FBN3: variants seen among roughly 807,000 people sequenced by gnomAD.
FBN3 encodes the protein fibrillin 3.
In FBN3, 234 loss-of-function variants were observed where a neutral mutation model predicts 330.1. That is an observed-to-expected ratio of 0.71 (90% CI 0.64 to 0.79). The LOEUF (loss-of-function observed/expected upper bound fraction) is 0.79. Among genes scored for constraint, FBN3 ranks in the 30% least tolerant of loss-of-function variants. FBN3 has a pLI of 0.00. For synonymous variants in FBN3, 1,458 were observed against 1,517.3 expected (o/e 0.96, Z 0.91); for missense variants, 3,606 against 3,886.9 (o/e 0.93, Z 1.92).
intron 46 of FBN3, among the ~76,000 whole-genome samples, chr19:8,095,165 C>A (rs1178034923): frequency 6.6e-6 from 1 of 152,054 alleles, no homozygotes; most frequent in Admixed American, 6.6e-5. Flanking sequence ...GAGACGAGGA[C>A]TCACTATGTT....
At chr19:8,090,698 G>A (rs1000596494) in intron 48 of FBN3, among the ~76,000 whole-genome samples, 1 of 151,764 alleles carries the variant, frequency 6.6e-6, no homozygotes, top group Non-Finnish European at 1.5e-5. Flanking sequence ...TGGCTAGGCT[G>A]GTCTCAAACT....
chr19:8,075,359 G>A lies in FBN3; in HGVS notation c.7506C>T (p.Cys2502=), dbSNP rs748278526. 3.1e-6 allele frequency: 5 copies of A among 1,614,198 alleles called. 1 individual carries two copies. The South Asian group carries it at 4.4e-5, about 14-fold the overall frequency. Residue 2502 remains cysteine, a synonymous_variant, in exon 60 of 64, where the codon TGC becomes TGT. Transcript: ENST00000600128. ...QPGPCGAHGH[C]HNTPGSFRCE... ...AGCGGAAGCTGCCCGGGGTGTTGTG[G>A]CAGTGCCCGTGGGCACCACATGGGC...
At position 8,081,454 on chromosome 19, in the gene FBN3, T is replaced by C; in HGVS notation, c.7240A>G (p.Lys2414Glu). The C allele has an allele frequency of 6.2e-7, 1 of 1,611,034 alleles. No homozygotes were observed. The highest frequency in any genetic ancestry group is 1.7e-5 in the Admixed American group (1 of 59,438). ...LDMDECSQVP[K>E]PCTFLCKNTK... ...TTTTTGCAGAGGAAGGTACATGGCTTGGGGACCTGGCTGCACTCATCCATA... is the reference window on the plus strand; with the variant it reads ...TTTTTGCAGAGGAAGGTACATGGCTCGGGGACCTGGCTGCACTCATCCATA... The change falls in exon 58 of 64, where the codon AAG (lysine) becomes GAG (glutamate). Residue 2414 changes from lysine (K) to glutamate (E), a missense_variant. Physicochemically the swap from Lys to Glu is moderately conservative, Grantham distance 56. Transcript: ENST00000600128.
chr19:8,131,587 C>G lies in FBN3; in HGVS notation c.1957G>C (p.Glu653Gln), dbSNP rs1323456583. ...CCANPDHGFG[E>Q]PCQLCPAKDS... is the part of the protein sequence containing the mutation. ...TTGGCAGGACAAAGCTGGCAGGGCTCCCCAAAACCGTGGTCCGGATTGGCA... is the reference window on the plus strand; with the variant it reads ...TTGGCAGGACAAAGCTGGCAGGGCTGCCCAAAACCGTGGTCCGGATTGGCA... The change falls in exon 15 of 64, where the codon GAG becomes CAG. Residue 653 changes from glutamate (E) to glutamine (Q), a missense_variant. Glu to Gln is a conservative substitution (Grantham distance 29). Coordinates refer to ENST00000600128, the MANE Select transcript of FBN3 (RefSeq NM_032447.5). The surrounding 1 kb of genome is among the most constrained non-coding windows in gnomAD (Gnocchi z 4.5). 5 of 1,612,680 alleles carry G rather than the reference C, an allele frequency of 3.1e-6. No homozygotes were observed. The African/African-American group carries it at 6.7e-5, about 22-fold the overall frequency.
chr19:8,111,566 G>T, intron 32 of FBN3, 82 bp downstream of exon 32: 1 of 1,418,058 alleles, frequency 7.1e-7, no homozygotes, highest in South Asian at 1.3e-5. Context: ...TCAGGAGGTC[G>T]AGTGACCATG....
Position 8,081,128 on chromosome 19 carries a change from C to A in FBN3, c.7337-9G>T. 1.2e-6 allele frequency: 2 copies of A among 1,610,538 alleles called. No homozygotes were observed. The highest frequency in any genetic ancestry group is 1.7e-6 in the Non-Finnish European group (2 of 1,177,284). On this transcript the variant is annotated splice_polypyrimidine_tract_variant and intron_variant, in intron 58 of 63. Transcript: ENST00000600128. Reference sequence around the variant, plus strand: ...GGTGCATTCGTCCAGGTCTGCAGCACGGATGGTCCAGCAGGCTCAGGGCAG... The same window carrying A: ...GGTGCATTCGTCCAGGTCTGCAGCAAGGATGGTCCAGCAGGCTCAGGGCAG...
intron 48 of FBN3, among the ~76,000 whole-genome samples, chr19:8,091,208 G>GT (rs2082087573): frequency 2.6e-5 from 4 of 152,200 alleles, no homozygotes; most frequent in Admixed American, 2.6e-4. Context: ...ACAGCCTACA[G>GT]TCATGTGACC....
chr19:8,111,256 A>T (rs1440834997), intron 32 of FBN3, 73 bp from the exon 33 acceptor site: 1 of 1,501,832 alleles, frequency 6.7e-7, no homozygotes, highest in Admixed American at 2.1e-5. Context: ...AGGAGGCCCC[A>T]GTCACTGGAA....
rs1167346702 is a variant in FBN3, at chr19:8,136,257, G to C, written c.1398C>G (p.Ile466Met). ...SPCHHGDCVN[I>M]PGTYHCRCYP... ...AGCACCGGCAGTGGTAGGTGCCGGGGATGTTGACGCAGTCACCGTGGTGGC... is the reference window on the plus strand; with the variant it reads ...AGCACCGGCAGTGGTAGGTGCCGGGCATGTTGACGCAGTCACCGTGGTGGC... Residue 466 changes from isoleucine (I) to methionine (M), a missense_variant, in exon 12 of 64, where the codon ATC becomes ATG. By Grantham distance (10) the Ile-to-Met change is conservative (BLOSUM62 1). Coordinates refer to ENST00000600128, the MANE Select transcript of FBN3 (RefSeq NM_032447.5). 1 of 1,608,168 alleles carries C rather than the reference G, an allele frequency of 6.2e-7. No individual in the cohort carries two copies.
At chr19:8,135,936 G>GGGGGGGGGGCGCCCCCCCCCCCCCC in intron 13 of FBN3, 25 bp downstream of exon 13, 2 of 668,776 alleles carry the variant, frequency 3.0e-6, no homozygotes, top group East Asian at 3.9e-5. Context: ...GGAAGCCCCT[G>GGGGGGGGGGCGCCCCCCCCCCCCCC]CCCACCCGCC....
intron 63 of FBN3, 140 bp downstream of exon 63, chr19:8,071,908 C>T: frequency 1.2e-6 from 1 of 857,616 alleles, no homozygotes; most frequent in Non-Finnish European, 1.8e-6. Flanking sequence ...AAGCCGGCAC[C>T]ATGACATGGG....
In FBN3 at chr19:8,080,988, G is replaced by A. The variant is rs765016563; in HGVS notation, c.7453+15C>T. ...GTCATGGGTCACCTCCCGGTGAGGG[G>A]CAAGGGTCACTCACCGAAGCAGGCC... is the stretch of plus-strand genomic sequence containing the variant. On this transcript the variant is annotated intron_variant, in intron 59 of 63. Coordinates refer to ENST00000600128, the MANE Select transcript of FBN3 (RefSeq NM_032447.5). 7.0e-6 allele frequency: 11 copies of A among 1,566,036 alleles called. No individual in the cohort carries two copies. In the East Asian group the frequency reaches 2.5e-4, roughly 35 times the overall value.
chr19:8,096,592 G>A lies in FBN3; in HGVS notation c.5414-23C>T, dbSNP rs7254164. The A allele has an allele frequency of 1.0e-3, 1,593 of 1,596,136 alleles. 24 individuals are homozygous for A. In the African/African-American group the frequency reaches 0.019, roughly 19 times the overall value. On this transcript the variant is annotated intron_variant, in intron 43 of 63. Transcript: ENST00000600128. The surrounding 1 kb of genome is among the most constrained non-coding windows in gnomAD (Gnocchi z 4.6). ...GTCCTGGGGGTGCAGAGAGCATGGTGTTCCCAGGGCTCCTACCACAGTGTT... is the reference window on the plus strand; with the variant it reads ...GTCCTGGGGGTGCAGAGAGCATGGTATTCCCAGGGCTCCTACCACAGTGTT...
chr19:8,148,549 A>C (rs2083603782), intron 1 of FBN3, among the ~76,000 whole-genome samples: 1 of 152,214 alleles, frequency 6.6e-6, no homozygotes, highest in African/African-American at 2.4e-5. Context: ...TTCCTGGGCC[A>C]TGAAGGACGG....
chr19:8,097,981 G>C lies in FBN3; in HGVS notation c.5162-567C>G, dbSNP rs868451260. ...CGATTTGTGGTTGCCAGGGGCAGAA[G>C]GGAGGGGCTAAAGGGAGAGACTGCT... On this transcript the variant is annotated intron_variant, in intron 41 of 63. Transcript: ENST00000600128. 1.5e-4 allele frequency among the ~76,000 whole-genome samples: 23 copies of C among 152,354 alleles called. 1 individual carries two copies. In the Middle Eastern group the frequency reaches 0.014, roughly 90 times the overall value.
At chr19:8,118,840 C>T in intron 26 of FBN3, 57 bp downstream of exon 26, 9 of 1,572,156 alleles carry the variant, frequency 5.7e-6, no homozygotes, top group Non-Finnish European at 7.8e-6. Context: ...CAGACATCCA[C>T]TCACTTTCAC....
chr19:8,142,276 C>T (rs2083435598), intron 6 of FBN3, 139 bp from the exon 7 acceptor site: 1 of 677,766 alleles, frequency 1.5e-6, no homozygotes, highest in Admixed American at 2.9e-5. Context: ...AATAGAATAT[C>T]TTTCCTCCCC....
Position 8,117,241 on chromosome 19 carries a change from T to C in FBN3, c.3514A>G (p.Asn1172Asp). ...QNGGCDVHCI[N>D]TEGSYRCSCG... is the part of the protein sequence containing the mutation. Reference sequence around the variant, plus strand: ...CTGCACCGGTAGCTGCCCTCAGTGTTAATACAGTGCACGTCACACCCACCA... The same window carrying C: ...CTGCACCGGTAGCTGCCCTCAGTGTCAATACAGTGCACGTCACACCCACCA... The change falls in exon 28 of 64, where the codon AAC becomes GAC. Residue 1172 changes from asparagine to aspartate, a missense_variant. Transcript: ENST00000600128. 1 of 1,612,450 alleles carries C rather than the reference T, an allele frequency of 6.2e-7. No homozygotes were observed. Among genetic ancestry groups the C allele is most frequent in the Non-Finnish European group, 8.5e-7 (1 of 1,179,224 alleles).
chr19:8,135,936 G>C (rs1269402344), intron 13 of FBN3, 25 bp downstream of exon 13: 131 of 670,096 alleles, frequency 2.0e-4, no homozygotes, highest in South Asian at 4.4e-4. Context: ...GGAAGCCCCT[G>C]CCCACCCGCC....
Sources: allele counts gnomAD v4.1 joint callset (sites outside exome capture counted in the v4.1 genomes callset), GRCh38; gene constraint gnomAD v4.1.1; non-coding constraint Gnocchi (gnomAD v3.1); transcripts MANE v1.5; gene names NCBI Gene and HGNC (gene_info 2026-07-23, HGNC 2026-07-21).